WIPF1: variants seen among roughly 807,000 people sequenced by gnomAD.
WIPF1 encodes the protein WAS/WASL-interacting protein family member 1.
In WIPF1, 13 loss-of-function variants were observed where a neutral mutation model predicts 35.4. The observed-to-expected ratio is 0.37, with a 90% confidence interval of 0.24 to 0.58. The LOEUF (loss-of-function observed/expected upper bound fraction) is 0.58, where lower values mean the gene tolerates loss of function less well. Ranked by LOEUF, WIPF1 falls within the 20% of genes least tolerant of loss-of-function variation. The pLI is 0.74. For synonymous variants in WIPF1, 267 were observed against 266.3 expected, an observed-to-expected ratio of 1.00 and a Z score of -0.02; for missense variants, 591 against 667.0, an observed-to-expected ratio of 0.89 and a Z score of 1.25.
At chr2:174,633,789 C>T (rs1459883691) in intron 1 of WIPF1, among the ~76,000 whole-genome samples, 1 of 152,176 alleles carries the variant, frequency 6.6e-6, no homozygotes, top group Non-Finnish European at 1.5e-5. Context: ...AACCGTCACA[C>T]CTCACGGCCT....
intron 1 of WIPF1, among the ~76,000 whole-genome samples, chr2:174,591,704 A>ACACACC (rs373727960): frequency 2.7e-5 from 4 of 150,094 alleles, no homozygotes; most frequent in Non-Finnish European, 3.0e-5. Context: ...ACACACACAC[A>ACACACC]CCACCCCAAC....
Position 174,571,315 on chromosome 2 carries a change from T to G in WIPF1, c.1129+361A>C. ...GAGCCCTCCTGCGGGAGGTGGGGAC[T>G]TATTTTCCCAATTAAGACCGCCGAA... On this transcript the variant is annotated intron_variant, in intron 5 of 7. Transcript: ENST00000679041. This position sits in a 1 kb window ranked among gnomAD's most constrained non-coding sequence, Gnocchi z 4.6. The G allele has an allele frequency of 2.0e-6, 1 of 502,554 alleles. No homozygotes were observed. The highest frequency in any genetic ancestry group is 2.0e-5 in the African/African-American group (1 of 51,120). The allele number at this position is 502,554 out of a possible 1,614,324, so 31.1% of individuals were successfully genotyped here. A position where few individuals can be genotyped will look rare whatever the true frequency, so the allele number is the denominator to read the frequency against.
chr2:174,652,801 A>AC (rs1687561829), intron 1 of WIPF1, among the ~76,000 whole-genome samples: 1 of 151,932 alleles, frequency 6.6e-6, no homozygotes, highest in African/African-American at 2.4e-5. Flanking sequence ...TAAAAAAAAA[A>AC]AAAAAACAAA....
At chr2:174,653,457 C>T (rs1036939839) in intron 1 of WIPF1, among the ~76,000 whole-genome samples, 3 of 151,938 alleles carry the variant, frequency 2.0e-5, no homozygotes, top group South Asian at 2.1e-4. Context: ...GAGTTCAGGC[C>T]GGGTGCGGTG....
At chr2:174,671,230 G>A (rs374436576) in intron 1 of WIPF1, among the ~76,000 whole-genome samples, 15 of 152,080 alleles carry the variant, frequency 9.9e-5, no homozygotes, top group East Asian at 3.8e-4. Context: ...AATTTCTTAC[G>A]CCTGTCTTTA....
chr2:174,648,430 A>G (rs758596543), intron 1 of WIPF1, among the ~76,000 whole-genome samples: 6 of 152,236 alleles, frequency 3.9e-5, no homozygotes, highest in Non-Finnish European at 8.8e-5. Flanking sequence ...GTCTAATAAC[A>G]TAAGTGTGTT....
At chr2:174,580,165 G>A (rs1685188599) in intron 3 of WIPF1, among the ~76,000 whole-genome samples, 2 of 152,120 alleles carry the variant, frequency 1.3e-5, no homozygotes, top group South Asian at 4.1e-4. Flanking sequence ...TGTCAAGGCT[G>A]GTCTTGAACT....
upstream of WIPF1, among the ~76,000 whole-genome samples, chr2:174,599,384 G>A (rs1270190986): frequency 1.3e-5 from 2 of 152,192 alleles, no homozygotes. Flanking sequence ...CTAATTGCAT[G>A]AGCAGATTCA....
intron 1 of WIPF1, among the ~76,000 whole-genome samples, chr2:174,596,206 G>A (rs1221260378): frequency 2.0e-5 from 3 of 152,172 alleles, no homozygotes; most frequent in Non-Finnish European, 1.5e-5. Flanking sequence ...TAGCTGAAGC[G>A]CTATGAGCAA....
intron 2 of WIPF1, among the ~76,000 whole-genome samples, chr2:174,584,274 A>G (rs1458269144): frequency 2.0e-5 from 3 of 152,170 alleles, no homozygotes; most frequent in Non-Finnish European, 4.4e-5. Context: ...TTTTGTCCTC[A>G]TCACTTTGGG....
In WIPF1 at chr2:174,562,378, G is replaced by A; in HGVS notation, c.*169C>T. The A allele has an allele frequency of 6.7e-7, 1 of 1,488,552 alleles. No individual in the cohort carries two copies. Among genetic ancestry groups the A allele is most frequent in the Non-Finnish European group, 8.9e-7 (1 of 1,117,460 alleles). 92.2% of individuals were successfully genotyped at this position (1,488,552 alleles called of 1,614,324 possible). ...GAATAAACACAATATGAAAAGCTAG[G>A]TGCATTTCTTACCGATTCCCACCCA... On this transcript the variant is annotated 3_prime_UTR_variant, in exon 8 of 8. Transcript: ENST00000679041.
chr2:174,637,794 C>CA (rs1687217404), intron 1 of WIPF1, among the ~76,000 whole-genome samples: 1 of 152,040 alleles, frequency 6.6e-6, no homozygotes. Context: ...CTCAAAAAAA[C>CA]AAAAAACAAA....
At chr2:174,631,005 G>A (rs879680255) in intron 1 of WIPF1, among the ~76,000 whole-genome samples, 1 of 152,134 alleles carries the variant, frequency 6.6e-6, no homozygotes, top group Non-Finnish European at 1.5e-5. Context: ...TATAATATGA[G>A]GTATCTTCAA....
intron 1 of WIPF1, among the ~76,000 whole-genome samples, chr2:174,653,943 G>A (rs184949755): frequency 6.6e-6 from 1 of 152,098 alleles, no homozygotes; most frequent in Non-Finnish European, 1.5e-5. Context: ...GTCATGGACT[G>A]TGTGAGGCAG....
intron 4 of WIPF1, 138 bp downstream of exon 4, chr2:174,575,066 T>C (rs996051592): frequency 2.0e-6 from 2 of 1,008,366 alleles, no homozygotes; most frequent in Non-Finnish European, 3.1e-6. Context: ...ATTGAGTCTC[T>C]TATAAAACAG....
chr2:174,662,151 A>G (rs919030534), intron 1 of WIPF1, among the ~76,000 whole-genome samples: 4 of 152,234 alleles, frequency 2.6e-5, no homozygotes, highest in Non-Finnish European at 5.9e-5. Flanking sequence ...CATAAAACCT[A>G]TGCATATCCT....
chr2:174,585,461 C>T, intron 2 of WIPF1, 62 bp downstream of exon 2: 2 of 1,499,370 alleles, frequency 1.3e-6, no homozygotes, highest in Admixed American at 1.7e-5. Context: ...ACATGCACGC[C>T]AGGTTTTGGC....
intron 1 of WIPF1, among the ~76,000 whole-genome samples, chr2:174,624,746 G>A (rs1352703113): frequency 6.6e-6 from 1 of 152,218 alleles, no homozygotes; most frequent in African/African-American, 2.4e-5. Flanking sequence ...TTCTGGGGGT[G>A]TGCTCAGGGG....
chr2:174,571,759 G>A lies in WIPF1; in HGVS notation c.1046C>T (p.Pro349Leu). Residue 349 changes from proline (P) to leucine (L), a missense_variant, in exon 5 of 8, where the codon CCT (proline) becomes CTT (leucine). Coordinates refer to ENST00000679041, the MANE Select transcript of WIPF1 (RefSeq NM_001375834.1). This position sits in a 1 kb window ranked among gnomAD's most constrained non-coding sequence, Gnocchi z 4.6. ...LSLSSSTPPL[P>L]SPGRSGPLPP... ...AAGAGGACCTGAACGTCCTGGCGAA[G>A]GTAACGGGGGCGTGGACGAACTGAG... The A allele has an allele frequency of 1.2e-6, 2 of 1,614,214 alleles. No homozygotes were observed. The highest frequency in any genetic ancestry group is 1.7e-6 in the Non-Finnish European group (2 of 1,180,038).
Sources: allele counts gnomAD v4.1 joint callset (sites outside exome capture counted in the v4.1 genomes callset), GRCh38; gene constraint gnomAD v4.1.1; non-coding constraint Gnocchi (gnomAD v3.1); transcripts MANE v1.5; gene names NCBI Gene and HGNC (gene_info 2026-07-23, HGNC 2026-07-21).